SLC22A9: variants seen among roughly 807,000 people sequenced by gnomAD.
SLC22A9 encodes organic anion transporter 7.
Under a neutral mutation model 50.1 loss-of-function variants are expected in SLC22A9, and 64 were observed. That is an observed-to-expected ratio of 1.28 (90% CI 1.04 to 1.57). The LOEUF (loss-of-function observed/expected upper bound fraction) is 1.57. Among genes scored for constraint, SLC22A9 ranks in the 40% most tolerant of loss-of-function variants. SLC22A9 has a pLI of 0.00. For synonymous variants in SLC22A9, 261 were observed against 242.5 expected, an observed-to-expected ratio of 1.08 and a Z score of -0.71; for missense variants, 757 against 676.1, an observed-to-expected ratio of 1.12 and a Z score of -1.33.
chr11:63,389,340 A>C (rs2014722783), intron 6 of SLC22A9, among the ~76,000 whole-genome samples: 5 of 145,434 alleles, frequency 3.4e-5, no homozygotes, highest in Non-Finnish European at 4.5e-5. Context: ...CCTTCCCCCA[A>C]CCCCCGACAG....
At position 63,371,290 on chromosome 11, in the gene SLC22A9, T is replaced by C. The variant is rs145622195; in HGVS notation, c.506+52T>C. 9.7e-4 allele frequency: 1,299 copies of C among 1,342,146 alleles called. 15 individuals carry two copies. The African/African-American group carries it at 0.017, about 17-fold the overall frequency. 83.1% of individuals were successfully genotyped at this position (1,342,146 alleles called of 1,614,324 possible). A position where few individuals can be genotyped will look rare whatever the true frequency, so the allele number is the denominator to read the frequency against. ...TTTAAGGGCATTTTTTATCAACTTATGAAACATTATTTCATCTAGAATTAC... is the reference window on the plus strand; with the variant it reads ...TTTAAGGGCATTTTTTATCAACTTACGAAACATTATTTCATCTAGAATTAC... On this transcript the variant is annotated intron_variant, in intron 2 of 9. Coordinates refer to ENST00000279178, the MANE Select transcript of SLC22A9 (RefSeq NM_080866.3).
chr11:63,374,734 G>A (rs778819527), intron 4 of SLC22A9, among the ~76,000 whole-genome samples: 1 of 151,726 alleles, frequency 6.6e-6, no homozygotes, highest in Non-Finnish European at 1.5e-5. Flanking sequence ...ATATATCCTT[G>A]GAAAAAAATA....
chr11:63,373,778 T>C lies in SLC22A9; in HGVS notation c.641T>C (p.Ile214Thr), dbSNP rs371276070. The part of the protein sequence containing the change: ...FLSGIAAMSL[I>T]TNTIMLIAEW... ...TCTGGGATTGCTGCAATGAGCCTCA[T>C]AACAAATACTATTATGTTAAGTAAG... The change falls in exon 3 of 10, where the codon ATA becomes ACA. Residue 214 changes from isoleucine (I) to threonine (T), a missense_variant. By Grantham distance (89) the Ile-to-Thr change is moderately conservative (BLOSUM62 -1). Coordinates refer to ENST00000279178, the MANE Select transcript of SLC22A9 (RefSeq NM_080866.3). The C allele has an allele frequency of 1.2e-5, 19 of 1,610,000 alleles. No homozygotes were observed. Among genetic ancestry groups the C allele is most frequent in the African/African-American group, 4.0e-5 (3 of 74,710 alleles).
At chr11:63,370,528 G>A (rs1454662820) in intron 1 of SLC22A9, 70 bp downstream of exon 1, 2 of 1,490,004 alleles carry the variant, frequency 1.3e-6, no homozygotes, top group Non-Finnish European at 1.8e-6. Context: ...TAATAATCAT[G>A]CTTCCAGCCT....
intron 6 of SLC22A9, among the ~76,000 whole-genome samples, chr11:63,387,223 A>C (rs2014685201): frequency 6.6e-6 from 1 of 151,978 alleles, no homozygotes; most frequent in Admixed American, 6.6e-5. Flanking sequence ...GCCCAGTCCA[A>C]TATCCTGGAG....
At chr11:63,393,130 G>A (rs1407638811) in intron 6 of SLC22A9, among the ~76,000 whole-genome samples, 1 of 152,086 alleles carries the variant, frequency 6.6e-6, no homozygotes, top group East Asian at 1.9e-4. Flanking sequence ...CATGGGATGT[G>A]TTTCCATTTG....
chr11:63,391,820 TA>T lies in SLC22A9; in HGVS notation c.1073+9551del, dbSNP rs145660628. 6.2e-3 allele frequency among the ~76,000 whole-genome samples: 934 copies of T among 150,522 alleles called. 10 individuals carry two copies. The highest frequency in any genetic ancestry group is 0.021 in the African/African-American group (852 of 41,380). On this transcript the variant is annotated intron_variant, in intron 6 of 9. Transcript: ENST00000279178. Reference sequence around the variant, plus strand: ...TTACCTTATATGTTATTATTGATTTTAAAAAAAAGACTTACTTCTGTCATTT... The same window carrying T: ...TTACCTTATATGTTATTATTGATTTTAAAAAAAGACTTACTTCTGTCATTT...
At position 63,382,374 on chromosome 11, in the gene SLC22A9, G is replaced by T. The variant is rs1022919169; in HGVS notation, c.1073+97G>T. ...TACAGCATGTTTAGGAAACAGATTT[G>T]CACATAAAAGATGAGAAAGCCGTAA... On this transcript the variant is annotated intron_variant, in intron 6 of 9. Coordinates refer to ENST00000279178, the MANE Select transcript of SLC22A9 (RefSeq NM_080866.3). 22 of 835,490 alleles carry T rather than the reference G, an allele frequency of 2.6e-5. No individual in the cohort carries two copies. In the Middle Eastern group the frequency reaches 1.7e-3, roughly 63 times the overall value. 51.8% of individuals were successfully genotyped at this position (835,490 alleles called of 1,614,324 possible). A position where few individuals can be genotyped will look rare whatever the true frequency, so the allele number is the denominator to read the frequency against.
At chr11:63,378,966 C>T (rs2014512706) in intron 5 of SLC22A9, among the ~76,000 whole-genome samples, 1 of 152,068 alleles carries the variant, frequency 6.6e-6, no homozygotes, top group Non-Finnish European at 1.5e-5. Context: ...AGACTGAATC[C>T]TGTTCCTATC....
At chr11:63,372,325 AAAT>A (rs10542575) in intron 2 of SLC22A9, among the ~76,000 whole-genome samples, 86,005 of 151,660 alleles carry the variant, frequency 0.57, 24,643 homozygotes, top group Non-Finnish European at 0.62. Flanking sequence ...TTAAAATCGG[AAAT>A]AATCTATAAT....
rs1340859145 is a variant in SLC22A9 at position 63,375,643 on chromosome 11, A to T, written c.831-2A>T. The T allele has an allele frequency of 1.2e-6, 2 of 1,611,818 alleles. No individual in the cohort carries two copies. The highest frequency in any genetic ancestry group is 2.2e-5 in the East Asian group (1 of 44,830). On this transcript the variant is annotated splice_acceptor_variant, in intron 4 of 9. Coordinates refer to ENST00000279178, the MANE Select transcript of SLC22A9 (RefSeq NM_080866.3). LOFTEE classifies it high-confidence loss of function. ...TGCCCCTCTGTTCTCTTCCTTGGTC[A>T]GTTGGCTGCTAGAGTCTGCTCGGTG...
chr11:63,373,990 T>G lies in SLC22A9; in HGVS notation c.758T>G (p.Phe253Cys), dbSNP rs1292298857. 3 of 1,613,546 alleles carry G rather than the reference T, an allele frequency of 1.9e-6. No homozygotes were observed. Among genetic ancestry groups the G allele is most frequent in the Non-Finnish European group, 2.5e-6 (3 of 1,179,786 alleles). The change falls in exon 4 of 10, where the codon TTT becomes TGT. Residue 253 changes from phenylalanine to cysteine, a missense_variant. Physicochemically the swap from Phe to Cys is radical, Grantham distance 205 (BLOSUM62 -2). Transcript: ENST00000279178. ...IAFMTLAGLA[F>C]AIRDWHILQL... ...TTTATGACCCTGGCAGGCCTGGCTTTTGCCATTCGAGACTGGCATATCCTC... is the reference window on the plus strand; with the variant it reads ...TTTATGACCCTGGCAGGCCTGGCTTGTGCCATTCGAGACTGGCATATCCTC...
chr11:63,408,244 G>C, intron 8 of SLC22A9, 24 bp downstream of exon 8: 2 of 1,579,450 alleles, frequency 1.3e-6, no homozygotes, highest in Non-Finnish European at 1.7e-6. Flanking sequence ...AGTATGCCCT[G>C]TCAGGTTCAA....
chr11:63,389,406 C>T (rs2014724339), intron 6 of SLC22A9, among the ~76,000 whole-genome samples: 1 of 151,900 alleles, frequency 6.6e-6, no homozygotes, highest in African/African-American at 2.4e-5. Context: ...TGTTCAACTC[C>T]CGCTTATGAG....
At chr11:63,373,534 A>C in intron 2 of SLC22A9, 110 bp from the exon 3 acceptor site, 1 of 1,138,470 alleles carries the variant, frequency 8.8e-7, no homozygotes, top group Non-Finnish European at 1.2e-6. Flanking sequence ...CTTCAAATGC[A>C]AAGTTTCACT....
At chr11:63,406,444 G>C in intron 6 of SLC22A9, 53 bp from the exon 7 acceptor site, 1 of 1,503,488 alleles carries the variant, frequency 6.7e-7, no homozygotes, top group South Asian at 1.1e-5. Context: ...CTCATTTGTA[G>C]GATGTAGGCT....
chr11:63,378,620 C>A (rs1263651716), intron 5 of SLC22A9, among the ~76,000 whole-genome samples: 1 of 152,054 alleles, frequency 6.6e-6, no homozygotes, highest in African/African-American at 2.4e-5. Context: ...CATACAAATC[C>A]CTGTAGTTGT....
At chr11:63,373,581 C>T in intron 2 of SLC22A9, 63 bp from the exon 3 acceptor site, 1 of 1,440,154 alleles carries the variant, frequency 6.9e-7, no homozygotes, top group Non-Finnish European at 9.1e-7. Context: ...TGTGCCTTCT[C>T]TTTGCTAAGT....
intron 9 of SLC22A9, 89 bp downstream of exon 9, chr11:63,408,968 C>A: frequency 7.3e-7 from 1 of 1,369,522 alleles, no homozygotes; most frequent in South Asian, 1.2e-5. Flanking sequence ...GGCCACTGTC[C>A]TCTCAAAAGG....
Sources: gnomAD v4.1 joint callset for allele counts (sites outside exome capture counted in the v4.1 genomes callset) on GRCh38, gnomAD v4.1.1 for gene constraint, MANE v1.5 for transcripts, NCBI Gene and HGNC (gene_info 2026-07-23, HGNC 2026-07-21) for gene names.